Variants in EDN1 observed in about 807,000 individuals in gnomAD.
The protein encoded by EDN1 is endothelin-1.
In EDN1, 11 loss-of-function variants were observed where a neutral mutation model predicts 21.7. That is an observed-to-expected ratio of 0.51 (90% CI 0.32 to 0.84). The LOEUF (loss-of-function observed/expected upper bound fraction) is 0.84. Among genes scored for constraint, EDN1 ranks in the 40% least tolerant of loss-of-function variants. The pLI is 0.03. For synonymous variants in EDN1, 85 were observed against 90.6 expected, an observed-to-expected ratio of 0.94 and a Z score of 0.35; for missense variants, 244 against 262.3, an observed-to-expected ratio of 0.93 and a Z score of 0.48.
intron 4 of EDN1, among the ~76,000 whole-genome samples, chr6:12,295,158 G>A (rs1762792636): frequency 6.6e-6 from 1 of 152,004 alleles, no homozygotes. Context: ...CACATGTTCT[G>A]CATTTTTCTA....
the EDN1 span, among the ~76,000 whole-genome samples, chr6:12,259,463 G>A: frequency 2.6e-5 from 4 of 151,108 alleles, no homozygotes; most frequent in African/African-American, 9.7e-5. Context: ...AAAAAAATTG[G>A]CACTGTAAAG....
At chr6:12,295,367 C>T (rs548476977) in intron 4 of EDN1, among the ~76,000 whole-genome samples, 1 of 152,152 alleles carries the variant, frequency 6.6e-6, no homozygotes, top group African/African-American at 2.4e-5. Flanking sequence ...TAATGCTCCC[C>T]ACGAGATCAG....
the EDN1 span, among the ~76,000 whole-genome samples, chr6:12,284,058 C>T: frequency 6.6e-6 from 1 of 152,052 alleles, no homozygotes; most frequent in African/African-American, 2.4e-5. Context: ...TCTGTTAATC[C>T]TCCATCAGTC....
chr6:12,239,583 T>G, the EDN1 span, among the ~76,000 whole-genome samples: 1 of 152,140 alleles, frequency 6.6e-6, no homozygotes, highest in African/African-American at 2.4e-5. Flanking sequence ...AAGAACCATT[T>G]TGGACCATAA....
intron 4 of EDN1, 49 bp downstream of exon 4, chr6:12,294,453 A>G (rs771586326): frequency 1.2e-6 from 2 of 1,608,788 alleles, no homozygotes; most frequent in Admixed American, 3.3e-5. Context: ...AAGAACAACT[A>G]GCCCCAGTCA....
chr6:12,292,817 T>C (rs1762720265), intron 2 of EDN1, among the ~76,000 whole-genome samples: 1 of 152,182 alleles, frequency 6.6e-6, no homozygotes, highest in Non-Finnish European at 1.5e-5. Flanking sequence ...CACAGTGGCA[T>C]CTGATGGGGT....
Position 12,296,749 on chromosome 6 carries a change from T to C in EDN1, c.*682T>C, listed in dbSNP as rs1762836164. 6.5e-6 allele frequency: 1 copy of C among 152,716 alleles called. No homozygotes were observed. Among genetic ancestry groups the C allele is most frequent in the African/African-American group, 2.4e-5 (1 of 41,426 alleles). The allele number at this position is 152,716 out of a possible 1,614,324, so 9.5% of individuals were successfully genotyped here. A position where few individuals can be genotyped will look rare whatever the true frequency, so the allele number is the denominator to read the frequency against. ...TTCCTCCATCCCCCATACTAAATCC[T>C]AGCCTCGTAGAAGTCTGGTCTAATG... On this transcript the variant is annotated 3_prime_UTR_variant, in exon 5 of 5. Transcript: ENST00000379375.
chr6:12,279,239 T>C, the EDN1 span, among the ~76,000 whole-genome samples: 508 of 152,310 alleles, frequency 3.3e-3, 3 homozygotes, highest in African/African-American at 0.011. Flanking sequence ...TAAATCCTAT[T>C]TGATTGTAAG....
At chr6:12,282,600 T>C in the EDN1 span, among the ~76,000 whole-genome samples, 7 of 152,194 alleles carry the variant, frequency 4.6e-5, no homozygotes, top group Non-Finnish European at 1.0e-4. Context: ...TCCTTCTTCC[T>C]CTCCTCCTCT....
the EDN1 span, among the ~76,000 whole-genome samples, chr6:12,235,560 C>T: frequency 6.6e-6 from 1 of 152,164 alleles, no homozygotes; most frequent in Non-Finnish European, 1.5e-5. Context: ...AAGACAGTGC[C>T]TGTTCATTTC....
the EDN1 span, among the ~76,000 whole-genome samples, chr6:12,273,820 T>A: frequency 6.6e-6 from 1 of 152,074 alleles, no homozygotes; most frequent in Admixed American, 6.5e-5. Flanking sequence ...ACTGGAGAAT[T>A]AGAACTGTGT....
At chr6:12,276,371 C>G in the EDN1 span, among the ~76,000 whole-genome samples, 2 of 152,120 alleles carry the variant, frequency 1.3e-5, no homozygotes, top group African/African-American at 4.8e-5. Context: ...TCAATCTGTA[C>G]TTAAAAATAA....
At chr6:12,284,250 C>A in the EDN1 span, among the ~76,000 whole-genome samples, 2 of 152,130 alleles carry the variant, frequency 1.3e-5, no homozygotes, top group South Asian at 2.1e-4. Context: ...AAATTTCTCA[C>A]TGTTATTTTA....
At chr6:12,245,552 G>T in the EDN1 span, among the ~76,000 whole-genome samples, 273 of 152,212 alleles carry the variant, frequency 1.8e-3, no homozygotes, top group Non-Finnish European at 2.9e-3. Flanking sequence ...TCTGCTGATG[G>T]GTGGAAGTTC....
the EDN1 span, among the ~76,000 whole-genome samples, chr6:12,281,232 C>G: frequency 2.0e-5 from 3 of 152,162 alleles, no homozygotes; most frequent in East Asian, 3.8e-4. Context: ...TTGTTTCACC[C>G]CAGTCAACAT....
At chr6:12,260,473 T>A in the EDN1 span, among the ~76,000 whole-genome samples, 1 of 152,178 alleles carries the variant, frequency 6.6e-6, no homozygotes, top group Non-Finnish European at 1.5e-5. Flanking sequence ...AAACATAAAC[T>A]GCTTTTCCTG....
the EDN1 span, among the ~76,000 whole-genome samples, chr6:12,269,134 C>A: frequency 6.6e-6 from 1 of 151,710 alleles, no homozygotes; most frequent in African/African-American, 2.4e-5. Context: ...TTAGGGAGTT[C>A]TTTATAGTTT....
the EDN1 span, among the ~76,000 whole-genome samples, chr6:12,262,577 T>A: frequency 6.6e-6 from 1 of 152,030 alleles, no homozygotes; most frequent in Non-Finnish European, 1.5e-5. Context: ...AGTAGACACA[T>A]AAAAATTTTC....
At chr6:12,264,599 C>T in the EDN1 span, among the ~76,000 whole-genome samples, 1 of 152,036 alleles carries the variant, frequency 6.6e-6, no homozygotes, top group African/African-American at 2.4e-5. Flanking sequence ...AACACACTAA[C>T]ACTAACGATA....
Sources: gnomAD v4.1 joint callset for allele counts (sites outside exome capture counted in the v4.1 genomes callset) on GRCh38, gnomAD v4.1.1 for gene constraint, MANE v1.5 for transcripts, NCBI Gene and HGNC (gene_info 2026-07-23, HGNC 2026-07-21) for gene names.